The following GRID1 variants were observed in gnomAD, a reference collection of about 807,000 sequenced individuals.
GRID1 encodes glutamate receptor ionotropic, delta-1.
In GRID1, 28 loss-of-function variants were observed where a neutral mutation model predicts 98.0. That is an observed-to-expected ratio of 0.29 (90% CI 0.21 to 0.39). The LOEUF is 0.39. GRID1 is among the 10% of genes least tolerant of loss of function. The probability of loss-of-function intolerance (pLI) is 1.00; values close to 1 mark genes in which losing one functional copy is unlikely to be tolerated. For synonymous variants in GRID1, 553 were observed against 538.5 expected (o/e 1.03, Z -0.37); for missense variants, 1,111 against 1,340.5 (o/e 0.83, Z 2.67).
chr10:85,991,996 G>A (rs1589327657), intron 4 of GRID1, among the ~76,000 whole-genome samples: 1 of 152,100 alleles, frequency 6.6e-6, no homozygotes, highest in East Asian at 1.9e-4. Flanking sequence ...AATCCTAGAG[G>A]GGAAATTGGG....
At chr10:86,259,069 A>G (rs548956387) in intron 2 of GRID1, among the ~76,000 whole-genome samples, 1 of 152,376 alleles carries the variant, frequency 6.6e-6, no homozygotes, top group Non-Finnish European at 1.5e-5. Flanking sequence ...GATGAGGAAA[A>G]CAGAGCAGCT....
chr10:85,610,960 T>C (rs1486730155), intron 15 of GRID1, among the ~76,000 whole-genome samples: 2 of 152,186 alleles, frequency 1.3e-5, no homozygotes, highest in African/African-American at 4.8e-5. Context: ...TGGAAGCAGG[T>C]TGGCAACAGG....
At position 86,164,809 on chromosome 10, in the gene GRID1, A is replaced by C. The variant is rs115532436; in HGVS notation, c.521-25785T>G. The stretch of plus-strand genomic sequence containing the variant: ...TTCCCTCCAATGTAGTCGGCCCTAC[A>C]CTCACTCAGCCTCTCTCTTGGGGCC... On this transcript the variant is annotated intron_variant, in intron 3 of 15. Coordinates refer to ENST00000327946, the MANE Select transcript of GRID1 (RefSeq NM_017551.3). Among the ~76,000 whole-genome samples the C allele has an allele frequency of 7.0e-3, 1,070 of 152,186 alleles. 20 individuals carry two copies. The highest frequency in any genetic ancestry group is 0.025 in the African/African-American group (1,025 of 41,496).
At chr10:85,613,668 G>A in intron 14 of GRID1, 21 bp from the exon 15 acceptor site, 6 of 1,607,206 alleles carry the variant, frequency 3.7e-6, no homozygotes, top group Non-Finnish European at 5.1e-6. Flanking sequence ...CAATCAAGGT[G>A]AGCTATAGCC....
intron 4 of GRID1, among the ~76,000 whole-genome samples, chr10:86,043,871 C>T (rs898320081): frequency 2.0e-5 from 3 of 152,046 alleles, no homozygotes; most frequent in Non-Finnish European, 2.9e-5. Flanking sequence ...TATCCCCAAG[C>T]GATATGAGCA....
At chr10:85,925,157 C>T (rs373119932) in intron 4 of GRID1, among the ~76,000 whole-genome samples, 15 of 152,274 alleles carry the variant, frequency 9.9e-5, no homozygotes, top group East Asian at 5.8e-4. Flanking sequence ...GGATTTTAAT[C>T]AATGGTCCAT....
intron 4 of GRID1, among the ~76,000 whole-genome samples, chr10:86,014,868 C>T (rs181317472): frequency 8.4e-4 from 128 of 152,320 alleles, no homozygotes; most frequent in African/African-American, 3.0e-3. Context: ...GCCCCATTTC[C>T]ATGTAAGCCC....
chr10:85,685,178 C>T (rs187101333), intron 12 of GRID1, among the ~76,000 whole-genome samples: 27 of 152,106 alleles, frequency 1.8e-4, no homozygotes, highest in African/African-American at 6.3e-4. Context: ...CACAGAAATT[C>T]CAGGAGAATT....
chr10:85,943,361 C>T (rs1356927028), intron 4 of GRID1, among the ~76,000 whole-genome samples: 1 of 151,766 alleles, frequency 6.6e-6, no homozygotes, highest in African/African-American at 2.4e-5. Context: ...CAGATTAAAG[C>T]TCTAAATGGA....
At chr10:85,812,851 A>G (rs1430500679) in intron 8 of GRID1, among the ~76,000 whole-genome samples, 1 of 151,200 alleles carries the variant, frequency 6.6e-6, no homozygotes, top group East Asian at 1.9e-4. Flanking sequence ...ATCTGTGTGT[A>G]TATTATATAT....
intron 3 of GRID1, among the ~76,000 whole-genome samples, chr10:86,160,037 A>G (rs1243697376): frequency 6.6e-6 from 1 of 152,044 alleles, no homozygotes; most frequent in African/African-American, 2.4e-5. Context: ...CACCACCATC[A>G]ACACCAGCAT....
chr10:85,932,035 CTGCTTAA>C (rs1841860755), intron 4 of GRID1, among the ~76,000 whole-genome samples: 1 of 152,180 alleles, frequency 6.6e-6, no homozygotes, highest in Non-Finnish European at 1.5e-5. Context: ...ATGTCAATCT[CTGCTTAA>C]TTTTTCCTGG....
chr10:85,614,249 T>C (rs1842764675), intron 14 of GRID1, among the ~76,000 whole-genome samples: 1 of 152,160 alleles, frequency 6.6e-6, no homozygotes. Flanking sequence ...TTTAAAAAAA[T>C]GAATCAAAGT....
intron 7 of GRID1, among the ~76,000 whole-genome samples, chr10:85,854,952 C>T (rs1014179991): frequency 1.3e-5 from 2 of 152,226 alleles, no homozygotes; most frequent in African/African-American, 4.8e-5. Context: ...AAGCTTAGTC[C>T]TCCCCTTGCA....
intron 8 of GRID1, among the ~76,000 whole-genome samples, chr10:85,776,022 A>T (rs561946484): frequency 6.6e-6 from 1 of 152,262 alleles, no homozygotes; most frequent in Non-Finnish European, 1.5e-5. Flanking sequence ...CAGAAAAAAA[A>T]AACATACTCA....
chr10:86,254,815 C>T (rs964118647), intron 2 of GRID1, among the ~76,000 whole-genome samples: 25 of 152,260 alleles, frequency 1.6e-4, no homozygotes, highest in Admixed American at 5.9e-4. Flanking sequence ...AGAGTTCCTG[C>T]AAGCGAACCT....
rs1342754070 is a variant in GRID1 at position 85,737,673 on chromosome 10, T to TATATATATATAA, written c.1234-8060_1234-8059insTTATATATATAT. Among the ~76,000 whole-genome samples, 511 of 112,964 alleles carry TATATATATATAA rather than the reference T, an allele frequency of 4.5e-3. 21 individuals carry two copies. The highest frequency in any genetic ancestry group is 0.016 in the African/African-American group (444 of 28,126). The allele number at this position is 112,964 out of a possible 152,430, so 74.1% of individuals were successfully genotyped here. A position where few individuals can be genotyped will look rare whatever the true frequency, so the allele number is the denominator to read the frequency against. ...ATATATATATATATATATATATATA[T>TATATATATATAA]AAACATATATGGTTATATATATATA... On this transcript the variant is annotated intron_variant, in intron 8 of 15. Coordinates refer to ENST00000327946, the MANE Select transcript of GRID1 (RefSeq NM_017551.3).
At chr10:85,679,045 T>G (rs1841176858) in intron 12 of GRID1, among the ~76,000 whole-genome samples, 1 of 152,242 alleles carries the variant, frequency 6.6e-6, no homozygotes, top group East Asian at 1.9e-4. Flanking sequence ...AATCCAGTAC[T>G]CTTTCTAGCT....
At chr10:86,305,794 C>A (rs1847751840) in intron 2 of GRID1, among the ~76,000 whole-genome samples, 1 of 152,052 alleles carries the variant, frequency 6.6e-6, no homozygotes, top group Non-Finnish European at 1.5e-5. Flanking sequence ...AAAGGAGGGG[C>A]TGAGCCTCCC....
Sources: gnomAD v4.1 joint callset for allele counts (sites outside exome capture counted in the v4.1 genomes callset) on GRCh38, gnomAD v4.1.1 for gene constraint, MANE v1.5 for transcripts, NCBI Gene and HGNC (gene_info 2026-07-23, HGNC 2026-07-21) for gene names.